LOXL2: variants seen among roughly 807,000 people sequenced by gnomAD.
LOXL2 encodes the protein lysyl oxidase homolog 2.
LOXL2 carries 70 observed loss-of-function variants against 93.0 expected under a neutral mutation model. The observed-to-expected ratio is 0.75, with a 90% CI of 0.62 to 0.92. The LOEUF (loss-of-function observed/expected upper bound fraction) is 0.92, where lower values mean the gene tolerates loss of function less well. LOXL2 is among the 40% of genes least tolerant of loss of function. The pLI is 0.00. For synonymous variants in LOXL2, 438 were observed against 413.2 expected (o/e 1.06, Z -0.73); for missense variants, 973 against 1,054.9 (o/e 0.92, Z 1.08).
At chr8:23,337,898 G>C (rs1803819177) in intron 4 of LOXL2, among the ~76,000 whole-genome samples, 1 of 152,228 alleles carries the variant, frequency 6.6e-6, no homozygotes, top group East Asian at 1.9e-4. Flanking sequence ...TGTGGCTGCA[G>C]AGACCTCTGG....
intron 6 of LOXL2, among the ~76,000 whole-genome samples, chr8:23,327,712 G>A (rs1053605832): frequency 1.3e-5 from 2 of 152,160 alleles, no homozygotes; most frequent in African/African-American, 2.4e-5. Context: ...AATGGTGGTC[G>A]TGGGGCTTCC....
chr8:23,390,646 C>G (rs1349509438), intron 1 of LOXL2, among the ~76,000 whole-genome samples: 2 of 152,214 alleles, frequency 1.3e-5, no homozygotes, highest in East Asian at 3.9e-4. Flanking sequence ...GTTTCAAAGA[C>G]TTTAAAATGT....
At chr8:23,342,785 C>G (rs1368588229) in intron 3 of LOXL2, among the ~76,000 whole-genome samples, 3 of 152,008 alleles carry the variant, frequency 2.0e-5, no homozygotes, top group African/African-American at 7.2e-5. Flanking sequence ...GGGTCTCACT[C>G]TGTTGCCCAG....
intron 1 of LOXL2, among the ~76,000 whole-genome samples, chr8:23,390,031 T>C (rs934191831): frequency 8.5e-5 from 13 of 152,204 alleles, no homozygotes; most frequent in African/African-American, 2.9e-4. Context: ...CCAGACAGAA[T>C]GTTCCGCTTG....
chr8:23,309,304 T>C (rs1803284083), intron 10 of LOXL2, among the ~76,000 whole-genome samples: 3 of 152,198 alleles, frequency 2.0e-5, no homozygotes, highest in Admixed American at 6.5e-5. Context: ...TAAAGGAATT[T>C]AGAGTCCAGC....
intron 3 of LOXL2, among the ~76,000 whole-genome samples, chr8:23,347,732 A>G (rs4346998): frequency 0.29 from 43,638 of 151,750 alleles, 8,033 homozygotes; most frequent in African/African-American, 0.53. Flanking sequence ...GCTTTGAGAA[A>G]CTGAAGCAGG....
intron 3 of LOXL2, among the ~76,000 whole-genome samples, chr8:23,356,254 G>A (rs1472023793): frequency 1.3e-5 from 2 of 152,168 alleles, no homozygotes; most frequent in Non-Finnish European, 2.9e-5. Context: ...AGTTCACCCT[G>A]GGTATCATTA....
At chr8:23,318,476 T>C (rs1803441921) in intron 8 of LOXL2, among the ~76,000 whole-genome samples, 2 of 149,664 alleles carry the variant, frequency 1.3e-5, no homozygotes, top group Non-Finnish European at 3.0e-5. Context: ...TACACATTCA[T>C]ACAACCTACT....
At chr8:23,397,651 G>A (rs921291221) in intron 1 of LOXL2, among the ~76,000 whole-genome samples, 11 of 152,066 alleles carry the variant, frequency 7.2e-5, no homozygotes, top group Admixed American at 5.9e-4. Context: ...GGTGGCGGGC[G>A]CCTGTGGTCC....
At chr8:23,368,760 C>T (rs1284812632) in intron 1 of LOXL2, among the ~76,000 whole-genome samples, 1 of 152,118 alleles carries the variant, frequency 6.6e-6, no homozygotes, top group Non-Finnish European at 1.5e-5. Flanking sequence ...GGTGTCACAC[C>T]CTAGGGCTGG....
intron 1 of LOXL2, among the ~76,000 whole-genome samples, chr8:23,369,910 C>T (rs1428314927): frequency 1.3e-5 from 2 of 152,166 alleles, no homozygotes; most frequent in Non-Finnish European, 2.9e-5. Flanking sequence ...TTACCTATGC[C>T]TCACAAGAAC....
At chr8:23,344,233 G>C (rs766936763) in intron 3 of LOXL2, among the ~76,000 whole-genome samples, 11 of 152,264 alleles carry the variant, frequency 7.2e-5, no homozygotes, top group African/African-American at 1.9e-4. Flanking sequence ...CTGGTGGGGA[G>C]AGCCCCGGGG....
At chr8:23,319,775 G>A (rs901810537) in intron 8 of LOXL2, 110 bp downstream of exon 8, 21 of 1,254,668 alleles carry the variant, frequency 1.7e-5, no homozygotes, top group Non-Finnish European at 2.2e-5. Context: ...AACTTGCTCT[G>A]TCCTGCCTGC....
intron 1 of LOXL2, among the ~76,000 whole-genome samples, chr8:23,374,544 G>A (rs1339241962): frequency 2.6e-5 from 4 of 152,194 alleles, no homozygotes; most frequent in African/African-American, 4.8e-5. Flanking sequence ...CACAATGGTT[G>A]AACTAGTTTA....
intron 3 of LOXL2, among the ~76,000 whole-genome samples, chr8:23,347,101 T>C (rs1315407376): frequency 6.6e-6 from 1 of 151,818 alleles, no homozygotes; most frequent in African/African-American, 2.4e-5. Flanking sequence ...AGCAGATCAC[T>C]TGAGGTCAGG....
chr8:23,383,852 G>A (rs1015725868), intron 1 of LOXL2, among the ~76,000 whole-genome samples: 2 of 151,584 alleles, frequency 1.3e-5, no homozygotes, highest in Non-Finnish European at 2.9e-5. Flanking sequence ...AGTAGAGACG[G>A]GGTTTCACCG....
intron 3 of LOXL2, among the ~76,000 whole-genome samples, chr8:23,358,282 C>CA (rs1406317026): frequency 2.6e-5 from 4 of 152,216 alleles, no homozygotes; most frequent in Non-Finnish European, 5.9e-5. Context: ...GCAGTCTCCT[C>CA]CACAGCTGAG....
chr8:23,371,681 G>A (rs562743918), intron 1 of LOXL2, among the ~76,000 whole-genome samples: 1 of 141,772 alleles, frequency 7.1e-6, no homozygotes, highest in African/African-American at 2.6e-5. Flanking sequence ...GAACCCAGGA[G>A]GTGGAGGTTG....
intron 10 of LOXL2, 113 bp downstream of exon 10, chr8:23,309,555 C>T (rs955449109): frequency 9.8e-6 from 12 of 1,220,074 alleles, no homozygotes; most frequent in Non-Finnish European, 1.3e-5. Context: ...ATCCTATCCC[C>T]AGGCCATGCA....
Sources: allele counts gnomAD v4.1 joint callset (sites outside exome capture counted in the v4.1 genomes callset), GRCh38; gene constraint gnomAD v4.1.1; transcripts MANE v1.5; gene names NCBI Gene and HGNC (gene_info 2026-07-23, HGNC 2026-07-21).